The following SORCS3 variants were observed in gnomAD, a reference collection of about 807,000 sequenced individuals.
SORCS3 encodes the protein VPS10 domain-containing receptor SorCS3.
In SORCS3, 57 loss-of-function variants were observed where a neutral mutation model predicts 146.3. That is an observed-to-expected ratio of 0.39 (90% CI 0.31 to 0.49). SORCS3 has a LOEUF of 0.49. Ranked by LOEUF, SORCS3 falls within the 20% of genes least tolerant of loss-of-function variation. The pLI, the probability that SORCS3 is intolerant of heterozygous loss-of-function variation, is 0.92. For missense variants in SORCS3, 1,341 were observed against 1,575.5 expected (o/e 0.85, Z 2.52); for synonymous variants, 653 against 618.5 (o/e 1.06, Z -0.83).
chr10:104,903,167 G>A (rs2018869668), intron 2 of SORCS3, among the ~76,000 whole-genome samples: 1 of 152,192 alleles, frequency 6.6e-6, no homozygotes, highest in Non-Finnish European at 1.5e-5. Context: ...TTTTATGACA[G>A]AGATAAAATA....
rs183199711 is a variant in SORCS3 at position 104,892,874 on chromosome 10, C to T, written c.696-22959C>T. ...ATTGCGTGCCTCTCTCTCTTGCTCA[C>T]TGTATTTCAGCCTTACTGCCTTTCT... On this transcript the variant is annotated intron_variant, in intron 2 of 26. Coordinates refer to ENST00000369701, the MANE Select transcript of SORCS3 (RefSeq NM_014978.3). 2.2e-3 allele frequency among the ~76,000 whole-genome samples: 334 copies of T among 152,288 alleles called. 3 individuals carry two copies. The highest frequency in any genetic ancestry group is 7.7e-3 in the African/African-American group (322 of 41,570).
At chr10:104,774,805 T>C (rs1291602217) in intron 1 of SORCS3, among the ~76,000 whole-genome samples, 1 of 152,208 alleles carries the variant, frequency 6.6e-6, no homozygotes, top group Non-Finnish European at 1.5e-5. Context: ...CACCTTAGTT[T>C]ACCTCTCTAG....
chr10:105,165,366 GAC>G (rs1394870716), intron 12 of SORCS3, among the ~76,000 whole-genome samples: 1 of 152,142 alleles, frequency 6.6e-6, no homozygotes, highest in Non-Finnish European at 1.5e-5. Context: ...TTAAAAGTGA[GAC>G]AGTTTCTCCG....
intron 13 of SORCS3, among the ~76,000 whole-genome samples, chr10:105,175,561 A>G (rs1195069698): frequency 6.6e-6 from 1 of 152,214 alleles, no homozygotes; most frequent in East Asian, 1.9e-4. Context: ...CTCTGAAACA[A>G]CTATGATTAT....
At chr10:105,244,511 G>C (rs1268795626) in intron 20 of SORCS3, among the ~76,000 whole-genome samples, 2 of 151,946 alleles carry the variant, frequency 1.3e-5, no homozygotes, top group Non-Finnish European at 2.9e-5. Flanking sequence ...TATACACAGC[G>C]GTCCTGGAAC....
chr10:105,171,038 A>G (rs1272808983), intron 13 of SORCS3, among the ~76,000 whole-genome samples: 1 of 152,144 alleles, frequency 6.6e-6, no homozygotes, highest in East Asian at 1.9e-4. Context: ...TTATATACAG[A>G]TGTATGTATA....
chr10:105,032,453 C>A (rs2797812), intron 4 of SORCS3, among the ~76,000 whole-genome samples: 59,688 of 151,870 alleles, frequency 0.39, 12,048 homozygotes, highest in African/African-American at 0.49. Flanking sequence ...TCCTTTTTTA[C>A]TCCTCTGAAA....
chr10:105,031,167 T>A (rs1159599913), intron 4 of SORCS3, among the ~76,000 whole-genome samples: 2 of 151,380 alleles, frequency 1.3e-5, no homozygotes, highest in Admixed American at 1.3e-4. Flanking sequence ...GGGTTGGTGG[T>A]GGGTGCCTGT....
At chr10:105,065,063 T>C (rs2055514352) in intron 5 of SORCS3, among the ~76,000 whole-genome samples, 1 of 152,138 alleles carries the variant, frequency 6.6e-6, no homozygotes, top group South Asian at 2.1e-4. Flanking sequence ...TGAGTCTTTG[T>C]TGGGGGTGGG....
intron 1 of SORCS3, among the ~76,000 whole-genome samples, chr10:104,821,379 G>A (rs1452979862): frequency 6.6e-6 from 1 of 152,186 alleles, no homozygotes; most frequent in Non-Finnish European, 1.5e-5. Context: ...GATGCTTAAA[G>A]AGTGGATAGC....
At chr10:105,003,962 C>T (rs2055077142) in intron 4 of SORCS3, among the ~76,000 whole-genome samples, 1 of 149,138 alleles carries the variant, frequency 6.7e-6, no homozygotes, top group African/African-American at 2.5e-5. Context: ...TCCTTGTTTC[C>T]TCTTATCCCT....
At chr10:105,166,866 C>T (rs898539825) in intron 12 of SORCS3, among the ~76,000 whole-genome samples, 48 of 152,230 alleles carry the variant, frequency 3.2e-4, no homozygotes, top group African/African-American at 1.1e-3. Flanking sequence ...AATTAGCAAA[C>T]ATCTGAATAG....
chr10:105,092,330 T>C (rs1027530623), intron 6 of SORCS3, among the ~76,000 whole-genome samples: 4 of 152,218 alleles, frequency 2.6e-5, no homozygotes, highest in Non-Finnish European at 1.5e-5. Context: ...AAGTATAGAA[T>C]ATATTAGTTC....
intron 4 of SORCS3, among the ~76,000 whole-genome samples, chr10:104,982,131 G>C (rs901773657): frequency 6.6e-6 from 1 of 152,186 alleles, no homozygotes; most frequent in Non-Finnish European, 1.5e-5. Flanking sequence ...CGGATTGACA[G>C]ACTGGTTAAG....
rs371111081 is a variant in SORCS3, at chr10:105,199,973, C to T, written c.2010-26C>T. Reference sequence around the variant, plus strand: ...ACTATGGGACTTTCTCCCCTTGTGTCTCCCACTCCTCCCCTAAACACTTAG... The same window carrying T: ...ACTATGGGACTTTCTCCCCTTGTGTTTCCCACTCCTCCCCTAAACACTTAG... On this transcript the variant is annotated intron_variant, in intron 14 of 26. Transcript: ENST00000369701. The T allele has an allele frequency of 1.4e-5, 22 of 1,559,324 alleles. No homozygotes were observed. The African/African-American group carries it at 2.4e-4, about 17-fold the overall frequency.
At chr10:105,084,173 T>C (rs2055643668) in intron 5 of SORCS3, among the ~76,000 whole-genome samples, 1 of 152,228 alleles carries the variant, frequency 6.6e-6, no homozygotes, top group Admixed American at 6.5e-5. Context: ...TAGTGTACTC[T>C]CAATATCAAT....
At chr10:104,892,958 C>T (rs965645427) in intron 2 of SORCS3, among the ~76,000 whole-genome samples, 2 of 152,156 alleles carry the variant, frequency 1.3e-5, no homozygotes, top group African/African-American at 4.8e-5. Flanking sequence ...ATGCCATTCT[C>T]ACTGCAAAGC....
intron 1 of SORCS3, among the ~76,000 whole-genome samples, chr10:104,767,386 A>C (rs1353278150): frequency 6.6e-6 from 1 of 152,168 alleles, no homozygotes; most frequent in Non-Finnish European, 1.5e-5. Flanking sequence ...TGGGACTGCT[A>C]GCCTACCTGC....
At chr10:104,843,989 G>C (rs956793542) in intron 2 of SORCS3, among the ~76,000 whole-genome samples, 11 of 152,202 alleles carry the variant, frequency 7.2e-5, no homozygotes, top group Admixed American at 5.9e-4. Flanking sequence ...GGGGACTGGG[G>C]TGTGAAATGC....
Sources: allele counts gnomAD v4.1 joint callset (sites outside exome capture counted in the v4.1 genomes callset), GRCh38; gene constraint gnomAD v4.1.1; transcripts MANE v1.5; gene names NCBI Gene and HGNC (gene_info 2026-07-23, HGNC 2026-07-21).